Variants in RYR2 observed in about 807,000 individuals in gnomAD.
RYR2 encodes cardiac muscle ryanodine receptor-calcium release channel.
Under a neutral mutation model 601.1 loss-of-function variants are expected in RYR2, and 227 were observed. That is an observed-to-expected ratio of 0.38 (90% CI 0.34 to 0.42). The LOEUF (loss-of-function observed/expected upper bound fraction) is 0.42. Among genes scored for constraint, RYR2 ranks in the 10% least tolerant of loss-of-function variants. The pLI is 1.00. For synonymous variants in RYR2, 2,223 were observed against 2,175.1 expected (o/e 1.02, Z -0.61); for missense variants, 4,646 against 6,156.5 (o/e 0.75, Z 8.21).
At chr1:237,768,661 C>T (rs1694032809) in intron 84 of RYR2, among the ~76,000 whole-genome samples, 1 of 152,164 alleles carries the variant, frequency 6.6e-6, no homozygotes, top group African/African-American at 2.4e-5. Context: ...TTCTTTTGCA[C>T]ACATCACAAA....
intron 71 of RYR2, 73 bp from the exon 72 acceptor site, chr1:237,717,120 CAAGTT>C (rs888550456): frequency 3.0e-5 from 38 of 1,271,704 alleles, no homozygotes; most frequent in Non-Finnish European, 4.0e-5. Flanking sequence ...GATGAAGTGA[CAAGTT>C]AGGGAAGAGT....
chr1:237,268,451 G>C (rs1279656885), intron 1 of RYR2, among the ~76,000 whole-genome samples: 1 of 152,116 alleles, frequency 6.6e-6, no homozygotes, highest in Non-Finnish European at 1.5e-5. Context: ...TTTATATTCA[G>C]ATATACCCAT....
intron 6 of RYR2, 61 bp from the exon 7 acceptor site, chr1:237,374,656 C>T: frequency 7.1e-7 from 1 of 1,412,964 alleles, no homozygotes; most frequent in South Asian, 1.2e-5. Flanking sequence ...AACCTTGTCT[C>T]AAACACAAAC....
Position 237,482,350 on chromosome 1 carries a change from C to A in RYR2, c.1709-9456C>A, listed in dbSNP as rs562338882. Among the ~76,000 whole-genome samples, 19 of 152,114 alleles carry A rather than the reference C, an allele frequency of 1.2e-4. No individual in the cohort carries two copies. The East Asian group carries it at 3.3e-3, about 26-fold the overall frequency. On this transcript the variant is annotated intron_variant, in intron 17 of 104. Coordinates refer to ENST00000366574, the MANE Select transcript of RYR2 (RefSeq NM_001035.3). Reference sequence around the variant, plus strand: ...AACCATCCCTACATTCCTCTAGAGCCCCCCACTACCCTTCCCAGCCTCTGG... The same window carrying A: ...AACCATCCCTACATTCCTCTAGAGCACCCCACTACCCTTCCCAGCCTCTGG...
chr1:237,649,357 GT>G lies in RYR2; in HGVS notation c.7513-516del, dbSNP rs1682488383. Among the ~76,000 whole-genome samples, 5 of 152,184 alleles carry G rather than the reference GT, an allele frequency of 3.3e-5. No individual in the cohort carries two copies. In the South Asian group the frequency reaches 1.0e-3, roughly 32 times the overall value. Reference sequence around the variant, plus strand: ...TGAAATGAAAATTTCTTTTTTCTTTGTTTTGTGTATTCACCTGACGTTGTGG... The same window carrying G: ...TGAAATGAAAATTTCTTTTTTCTTTGTTTGTGTATTCACCTGACGTTGTGG... On this transcript the variant is annotated intron_variant, in intron 49 of 104. Transcript: ENST00000366574.
At chr1:237,343,480 A>C (rs1698013089) in intron 3 of RYR2, among the ~76,000 whole-genome samples, 1 of 152,170 alleles carries the variant, frequency 6.6e-6, no homozygotes. Flanking sequence ...CTTCCAGAAT[A>C]GGACATAAAT....
At chr1:237,114,300 T>G (rs1669823133) in intron 1 of RYR2, among the ~76,000 whole-genome samples, 3 of 152,214 alleles carry the variant, frequency 2.0e-5, no homozygotes, top group Non-Finnish European at 4.4e-5. Context: ...CCCTGTTAAA[T>G]TTGATATGTG....
Position 237,441,370 on chromosome 1 carries a change from G to A in RYR2, c.1057G>A (p.Glu353Lys). ...RKEVDGMGTS[E>K]IKYGDSVCYI... ...AGAAGTAGATGGCATGGGAACATCT[G>A]AAATAAAATACGGTGACTCAGTATG... The change falls in exon 13 of 105, where the codon GAA becomes AAA. Residue 353 changes from glutamate to lysine, a missense_variant. Glu to Lys is a moderately conservative substitution (Grantham distance 56, BLOSUM62 1). Transcript: ENST00000366574. 1 of 1,613,766 alleles carries A rather than the reference G, an allele frequency of 6.2e-7. No individual in the cohort carries two copies. Among genetic ancestry groups the A allele is most frequent in the Non-Finnish European group, 8.5e-7 (1 of 1,179,760 alleles).
chr1:237,267,237 G>T (rs2149333979), intron 1 of RYR2, among the ~76,000 whole-genome samples: 1 of 152,286 alleles, frequency 6.6e-6, no homozygotes, highest in Non-Finnish European at 1.5e-5. Flanking sequence ...ACTCATATCT[G>T]GCTGGGCGCA....
intron 34 of RYR2, among the ~76,000 whole-genome samples, chr1:237,597,633 A>T (rs757870885): frequency 6.6e-6 from 1 of 152,054 alleles, no homozygotes; most frequent in Non-Finnish European, 1.5e-5. Context: ...GGTCTATTAT[A>T]ACTACAATAT....
intron 24 of RYR2, among the ~76,000 whole-genome samples, chr1:237,528,903 C>T (rs1667844375): frequency 6.6e-6 from 1 of 152,052 alleles, no homozygotes; most frequent in Non-Finnish European, 1.5e-5. Flanking sequence ...TCTTGGTGGG[C>T]ATGTGCTCAA....
At chr1:237,804,877 T>C (rs1048623407) in intron 98 of RYR2, among the ~76,000 whole-genome samples, 9 of 152,208 alleles carry the variant, frequency 5.9e-5, no homozygotes, top group Non-Finnish European at 1.2e-4. Flanking sequence ...AGAAAGCGAC[T>C]GGTTCTTTTG....
chr1:237,468,565 G>A (rs1660338349), intron 16 of RYR2, among the ~76,000 whole-genome samples: 1 of 152,130 alleles, frequency 6.6e-6, no homozygotes, highest in Non-Finnish European at 1.5e-5. Context: ...CAAAGTTAGT[G>A]GCTATTGGTC....
intron 1 of RYR2, among the ~76,000 whole-genome samples, chr1:237,163,204 C>G (rs1676233242): frequency 6.6e-6 from 1 of 152,282 alleles, no homozygotes; most frequent in Non-Finnish European, 1.5e-5. Flanking sequence ...ACCTGCAACC[C>G]CATTCCTACA....
chr1:237,148,522 AAAAAAATATATATAT>A (rs200269088), intron 1 of RYR2, among the ~76,000 whole-genome samples: 1,404 of 68,246 alleles, frequency 0.021, 40 homozygotes, highest in African/African-American at 0.069. Context: ...AAGTAAAAAA[AAAAAAATATATATAT>A]ATATATATAT....
At chr1:237,065,474 A>T (rs1383364320) in intron 1 of RYR2, among the ~76,000 whole-genome samples, 1 of 151,268 alleles carries the variant, frequency 6.6e-6, no homozygotes, top group Non-Finnish European at 1.5e-5. Flanking sequence ...TTTAGTAGAG[A>T]CAGGGTTTCA....
chr1:237,464,158 TG>T (rs1157311672), intron 16 of RYR2, among the ~76,000 whole-genome samples: 1 of 152,098 alleles, frequency 6.6e-6, no homozygotes, highest in African/African-American at 2.4e-5. Flanking sequence ...CTCCTCTCCT[TG>T]AAGATTTGCT....
chr1:237,150,625 A>G (rs1473665978), intron 1 of RYR2, among the ~76,000 whole-genome samples: 3 of 152,222 alleles, frequency 2.0e-5, no homozygotes, highest in Admixed American at 2.0e-4. Flanking sequence ...CCTGTATTCT[A>G]TGAAAGAAAA....
In RYR2 at chr1:237,783,790, G is replaced by A; in HGVS notation, c.12078G>A (p.Leu4026=). Residue 4026 remains leucine, a synonymous_variant, in exon 90 of 105, where the codon TTG becomes TTA. Coordinates refer to ENST00000366574, the MANE Select transcript of RYR2 (RefSeq NM_001035.3). Reference sequence around the variant, plus strand: ...ACATGTTCTTAAAACTAAAGGATTTGACGTCGTCTGATACTTTTAAAGAAT... The same window carrying A: ...ACATGTTCTTAAAACTAAAGGATTTAACGTCGTCTGATACTTTTAAAGAAT... The part of the protein sequence containing the change: ...FFDMFLKLKD[L]TSSDTFKEYD... The A allele has an allele frequency of 6.2e-7, 1 of 1,613,478 alleles. No individual in the cohort carries two copies.
Sources: allele counts gnomAD v4.1 joint callset (sites outside exome capture counted in the v4.1 genomes callset), GRCh38; gene constraint gnomAD v4.1.1; transcripts MANE v1.5; gene names NCBI Gene and HGNC (gene_info 2026-07-23, HGNC 2026-07-21).